The following AIFM1 variants were observed in gnomAD, a reference collection of about 807,000 sequenced individuals.
AIFM1 encodes apoptosis-inducing factor 1, mitochondrial.
In AIFM1, 3 loss-of-function variants were observed where a neutral mutation model predicts 51.7. The observed-to-expected ratio is 0.06, with a 90% CI of 0.03 to 0.15. The LOEUF (loss-of-function observed/expected upper bound fraction) is 0.15, where lower values mean the gene tolerates loss of function less well. AIFM1 is among the 10% of genes least tolerant of loss of function. AIFM1 has a pLI of 1.00. For synonymous variants in AIFM1, 178 were observed against 179.4 expected (o/e 0.99, Z 0.06); for missense variants, 330 against 476.8 (o/e 0.69, Z 2.87).
intron 6 of AIFM1, among the ~76,000 whole-genome samples, chrX:130,141,226 C>T (rs1255563503): frequency 8.9e-6 from 1 of 111,989 alleles, no homozygotes; most frequent in Admixed American, 9.5e-5. Flanking sequence ...TGACCTAAAG[C>T]GATCCTTAAG....
chrX:130,149,906 A>C (rs2030900363), intron 2 of AIFM1, among the ~76,000 whole-genome samples: 1 of 112,305 alleles, frequency 8.9e-6, no homozygotes, highest in South Asian at 3.7e-4. Context: ...AGAAAGGGCT[A>C]ATCTATATAT....
intron 3 of AIFM1, 84 bp from the exon 4 acceptor site, chrX:130,147,960 C>T: frequency 8.8e-7 from 1 of 1,133,009 alleles, no homozygotes; most frequent in Admixed American, 2.2e-5. Context: ...TCACCTTGCA[C>T]TTGTCTCAAT....
At chrX:130,138,486 C>A in intron 9 of AIFM1, 107 bp downstream of exon 9, 2 of 610,696 alleles carry the variant, frequency 3.3e-6, no homozygotes, top group South Asian at 4.7e-5. Flanking sequence ...AATAAATAAA[C>A]CTTAATTAAA....
In AIFM1 at chrX:130,149,479, G is replaced by A. The variant is rs368967639; in HGVS notation, c.339C>T (p.Ala113=). Residue 113 remains alanine, a synonymous_variant, in exon 3 of 16, where the codon GCC becomes GCT. Transcript: ENST00000287295. ...GLTPEQKQKK[A]ALSASEGEEV... is the part of the protein sequence containing the mutation. Reference sequence around the variant, plus strand: ...TAAGGGAATACTCACCAGATAACGCGGCCTTTTTCTGTTTCTGTTCTGGTG... The same window carrying A: ...TAAGGGAATACTCACCAGATAACGCAGCCTTTTTCTGTTTCTGTTCTGGTG... 3.2e-5 allele frequency: 38 copies of A among 1,204,640 alleles called. No individual in the cohort carries two copies. The highest frequency in any genetic ancestry group is 2.3e-4 in the Middle Eastern group (1 of 4,358).
At chrX:130,155,247 A>G (rs758949691) in intron 2 of AIFM1, 1 of 1,210,151 alleles carries the variant, frequency 8.3e-7, no homozygotes, top group Non-Finnish European at 1.1e-6. Context: ...TGTAGATGCT[A>G]GTGATCTAGA....
intron 1 of AIFM1, among the ~76,000 whole-genome samples, chrX:130,162,524 G>A (rs1353894750): frequency 8.9e-6 from 1 of 112,170 alleles, no homozygotes; most frequent in East Asian, 2.8e-4. Flanking sequence ...TCTAGAAAAT[G>A]TAACTTATTA....
rs186281444 is a variant in AIFM1 at position 130,153,615 on chromosome X, T to C, written c.249+2846A>G. ...TGGGGCATTGGGGAGGTGATAATGA[T>C]TGAATGAAGTCTTAAGGGTGGGGCC... is the stretch of plus-strand genomic sequence containing the variant. On this transcript the variant is annotated intron_variant, in intron 2 of 15. Coordinates refer to ENST00000287295, the MANE Select transcript of AIFM1 (RefSeq NM_004208.4). Among the ~76,000 whole-genome samples the C allele has an allele frequency of 2.7e-5, 3 of 111,100 alleles. No individual in the cohort carries two copies. The East Asian group carries it at 8.5e-4, about 31-fold the overall frequency.
chrX:130,161,886 C>T (rs760821133), intron 1 of AIFM1, among the ~76,000 whole-genome samples: 33 of 111,889 alleles, frequency 2.9e-4, no homozygotes, highest in Admixed American at 8.5e-4. Context: ...GGATTACAGG[C>T]GTGAGCCACC....
At chrX:130,138,232 A>G (rs757796129) in intron 9 of AIFM1, among the ~76,000 whole-genome samples, 19 of 111,257 alleles carry the variant, frequency 1.7e-4, no homozygotes, top group East Asian at 8.5e-4. Context: ...TTGGGAGGCC[A>G]AGGTGGGCGG....
intron 1 of AIFM1, among the ~76,000 whole-genome samples, chrX:130,160,895 T>C (rs2031324203): frequency 9.3e-6 from 1 of 107,737 alleles, no homozygotes. Context: ...AATAAATAAA[T>C]AAATAAATAA....
intron 1 of AIFM1, among the ~76,000 whole-genome samples, chrX:130,162,850 T>C (rs993389746): frequency 3.8e-4 from 43 of 112,187 alleles, no homozygotes; most frequent in African/African-American, 1.2e-3. Context: ...ATCTAACCTA[T>C]CTGCTCCTCT....
At chrX:130,150,247 T>C (rs1262652348) in intron 2 of AIFM1, among the ~76,000 whole-genome samples, 5 of 110,956 alleles carry the variant, frequency 4.5e-5, no homozygotes, top group Non-Finnish European at 7.6e-5. Flanking sequence ...TCCTTTCAAA[T>C]TGGAAAAGGG....
At chrX:130,138,931 GGAC>G (rs1479397428) in intron 8 of AIFM1, among the ~76,000 whole-genome samples, 1 of 111,486 alleles carries the variant, frequency 9.0e-6, no homozygotes, top group African/African-American at 3.3e-5. Context: ...TTCCCCAGGA[GGAC>G]ATCTGGCAAT....
At chrX:130,143,955 T>G in intron 6 of AIFM1, among the ~76,000 whole-genome samples, 1 of 111,835 alleles carries the variant, frequency 8.9e-6, no homozygotes, top group African/African-American at 3.3e-5. Context: ...CGGGCTCAAA[T>G]TCTCTCTCTA....
intron 2 of AIFM1, among the ~76,000 whole-genome samples, chrX:130,150,858 C>G (rs2030942859): frequency 9.9e-6 from 1 of 101,277 alleles, no homozygotes; most frequent in African/African-American, 3.6e-5. Flanking sequence ...GCCTGTAGTC[C>G]CAGCTACTTG....
At chrX:130,143,140 TTCC>T (rs2030635504) in intron 6 of AIFM1, among the ~76,000 whole-genome samples, 1 of 111,419 alleles carries the variant, frequency 9.0e-6, no homozygotes, top group African/African-American at 3.3e-5. Flanking sequence ...TATCCTTGCC[TTCC>T]TCCTCTTCTC....
intron 12 of AIFM1, among the ~76,000 whole-genome samples, chrX:130,134,767 T>C (rs1307689078): frequency 8.9e-6 from 1 of 111,818 alleles, no homozygotes; most frequent in Non-Finnish European, 1.9e-5. Context: ...TGTGGCTATT[T>C]AGACTCCCCC....
intron 1 of AIFM1, among the ~76,000 whole-genome samples, chrX:130,164,458 G>A (rs1181243775): frequency 8.9e-6 from 1 of 112,469 alleles, no homozygotes; most frequent in Non-Finnish European, 1.9e-5. Flanking sequence ...TATTTTTAAA[G>A]CACCCAGGTG....
chrX:130,161,609 CTTTT>C (rs1224200767), intron 1 of AIFM1, among the ~76,000 whole-genome samples: 1 of 96,568 alleles, frequency 1.0e-5, no homozygotes. Context: ...ATTTATCAGC[CTTTT>C]TTTTTTTTTT....
Sources: allele counts gnomAD v4.1 joint callset (sites outside exome capture counted in the v4.1 genomes callset), GRCh38; gene constraint gnomAD v4.1.1; transcripts MANE v1.5; gene names NCBI Gene and HGNC (gene_info 2026-07-23, HGNC 2026-07-21).